IFT74: variants seen among roughly 807,000 people sequenced by gnomAD.
IFT74 encodes the protein intraflagellar transport protein 74 homolog.
In IFT74, 92 loss-of-function variants were observed where a neutral mutation model predicts 96.7. That is an observed-to-expected ratio of 0.95 (90% CI 0.80 to 1.13). The LOEUF is 1.13. IFT74 is among the 50% of genes most tolerant of loss of function. The probability of loss-of-function intolerance (pLI) is 0.00; values close to 1 mark genes in which losing one functional copy is unlikely to be tolerated. For missense variants in IFT74, 811 were observed against 698.2 expected, an observed-to-expected ratio of 1.16 and a Z score of -1.82; for synonymous variants, 223 against 213.2, an observed-to-expected ratio of 1.05 and a Z score of -0.40.
At chr9:26,989,148 T>C (rs1827762589) in intron 7 of IFT74, among the ~76,000 whole-genome samples, 1 of 152,202 alleles carries the variant, frequency 6.6e-6, no homozygotes, top group Non-Finnish European at 1.5e-5. Context: ...ACATAAAATA[T>C]TAATTTTTGA....
Position 26,978,035 on chromosome 9 carries a change from G to GT in IFT74, c.121-86dup, listed in dbSNP as rs527434494. The GT allele has an allele frequency of 2.2e-4, 237 of 1,087,954 alleles. No homozygotes were observed. The South Asian group carries it at 4.3e-3, about 20-fold the overall frequency. 67.4% of individuals were successfully genotyped at this position (1,087,954 alleles called of 1,614,324 possible). On this transcript the variant is annotated intron_variant, in intron 2 of 19. Coordinates refer to ENST00000380062, the MANE Select transcript of IFT74 (RefSeq NM_025103.4). The stretch of plus-strand genomic sequence containing the variant: ...ATTTTTACAAATCAAGTAGAATTTT[G>GT]TTTTTTTAAAAAATTGTCTTTGCAG...
chr9:27,034,935 C>T (rs1452221768), intron 13 of IFT74, among the ~76,000 whole-genome samples: 3 of 152,192 alleles, frequency 2.0e-5, no homozygotes, highest in Non-Finnish European at 4.4e-5. Context: ...TTTAATCTTA[C>T]TTTATCTTAG....
chr9:27,037,437 A>T (rs1173122015), intron 13 of IFT74, among the ~76,000 whole-genome samples: 1 of 152,234 alleles, frequency 6.6e-6, no homozygotes, highest in African/African-American at 2.4e-5. Flanking sequence ...TAGTACAGCC[A>T]CACGAACTTA....
intron 1 of IFT74, among the ~76,000 whole-genome samples, chr9:26,947,745 G>C (rs116447106): frequency 6.6e-6 from 1 of 152,320 alleles, no homozygotes; most frequent in African/African-American, 2.4e-5. Context: ...TCCGTTTCAA[G>C]TTATCTGAAT....
chr9:26,964,769 A>T (rs1047457657), intron 2 of IFT74, among the ~76,000 whole-genome samples: 1 of 152,170 alleles, frequency 6.6e-6, no homozygotes, highest in Admixed American at 6.6e-5. Flanking sequence ...AAAAATAAGA[A>T]AAAGTACAGT....
intron 15 of IFT74, among the ~76,000 whole-genome samples, chr9:27,047,805 C>T (rs1020534198): frequency 6.6e-6 from 1 of 151,986 alleles, no homozygotes; most frequent in African/African-American, 2.4e-5. Context: ...CTCAAATTAT[C>T]AAAAAATGTT....
In IFT74 at chr9:26,947,124, C is replaced by T. The variant is rs1415530974; in HGVS notation, c.-42C>T. 4 of 1,387,280 alleles carry T rather than the reference C, an allele frequency of 2.9e-6. No individual in the cohort carries two copies. The East Asian group carries it at 8.9e-5, about 31-fold the overall frequency. The allele number at this position is 1,387,280 out of a possible 1,614,324, so 85.9% of individuals were successfully genotyped here. ...AGGGGCGACTCGGAGAGCGCCGGGC[C>T]GCGGCGGGAGAAGAGCCTGCAGGTA... On this transcript the variant is annotated 5_prime_UTR_variant, in exon 1 of 20. Coordinates refer to the IFT74 transcript ENST00000433700.
chr9:26,984,898 G>A (rs777181072), intron 6 of IFT74, among the ~76,000 whole-genome samples: 1 of 152,094 alleles, frequency 6.6e-6, no homozygotes, highest in African/African-American at 2.4e-5. Flanking sequence ...GCAGTGTGGC[G>A]ATTCCTCAAA....
intron 13 of IFT74, among the ~76,000 whole-genome samples, chr9:27,031,143 A>G (rs1267849471): frequency 6.6e-6 from 1 of 152,268 alleles, no homozygotes; most frequent in African/African-American, 2.4e-5. Flanking sequence ...CTACAGGTCC[A>G]TGTTACTGTG....
intron 8 of IFT74, 55 bp from the exon 9 acceptor site, chr9:27,008,965 T>A: frequency 7.3e-7 from 1 of 1,368,844 alleles, no homozygotes; most frequent in Middle Eastern, 2.4e-4. Flanking sequence ...TATAAAATAA[T>A]TGGATATTTT....
intron 8 of IFT74, among the ~76,000 whole-genome samples, chr9:27,001,940 C>A: frequency 7.4e-6 from 1 of 135,504 alleles, no homozygotes; most frequent in African/African-American, 2.6e-5. Context: ...TTCTTTTTTT[C>A]TCTTTTTTTT....
At chr9:27,047,731 T>A (rs1452714122) in intron 15 of IFT74, among the ~76,000 whole-genome samples, 1 of 152,246 alleles carries the variant, frequency 6.6e-6, no homozygotes, top group African/African-American at 2.4e-5. Context: ...AAAATGTTAA[T>A]GTATTTTTAT....
At chr9:26,993,946 T>TA (rs1252196415) in intron 8 of IFT74, 1 of 152,162 alleles carries the variant, frequency 6.6e-6, no homozygotes, top group African/African-American at 2.4e-5. Context: ...AGGTAAAAAT[T>TA]ATAGATTGTG....
At chr9:27,015,514 A>G (rs1051789612) in intron 10 of IFT74, among the ~76,000 whole-genome samples, 2 of 152,050 alleles carry the variant, frequency 1.3e-5, no homozygotes, top group African/African-American at 4.8e-5. Context: ...GCAGGCGCCT[A>G]TAATCCCAGC....
intron 7 of IFT74, among the ~76,000 whole-genome samples, chr9:26,989,711 C>T (rs990645581): frequency 2.6e-5 from 4 of 152,032 alleles, no homozygotes; most frequent in Non-Finnish European, 5.9e-5. Context: ...GGTCTGTTTT[C>T]TAGGCTGGGT....
chr9:27,049,181 C>T (rs1819824019), intron 16 of IFT74, among the ~76,000 whole-genome samples: 1 of 152,160 alleles, frequency 6.6e-6, no homozygotes, highest in Admixed American at 6.5e-5. Context: ...GTTTCATGTA[C>T]AGCCTGTAGA....
intron 13 of IFT74, among the ~76,000 whole-genome samples, chr9:27,040,762 A>C (rs1264743823): frequency 6.6e-6 from 1 of 152,092 alleles, no homozygotes; most frequent in Non-Finnish European, 1.5e-5. Context: ...TTACTAGTAC[A>C]TGCCTTGTTG....
At chr9:26,968,311 G>T (rs1308004093) in intron 2 of IFT74, among the ~76,000 whole-genome samples, 1 of 151,384 alleles carries the variant, frequency 6.6e-6, no homozygotes, top group Admixed American at 6.6e-5. Context: ...GCCCAGGCTG[G>T]AGTGCAGTGA....
chr9:27,025,992 C>T (rs1362860459), intron 12 of IFT74, among the ~76,000 whole-genome samples: 1 of 152,140 alleles, frequency 6.6e-6, no homozygotes, highest in African/African-American at 2.4e-5. Context: ...TATCTCAATA[C>T]TAACATTGAA....
Sources: gnomAD v4.1 joint callset for allele counts (sites outside exome capture counted in the v4.1 genomes callset) on GRCh38, gnomAD v4.1.1 for gene constraint, MANE v1.5 for transcripts, NCBI Gene and HGNC (gene_info 2026-07-23, HGNC 2026-07-21) for gene names.